The following BACE2 variants were observed in gnomAD, a reference collection of about 807,000 sequenced individuals.
The protein encoded by BACE2 is 56 kDa aspartic-like protease.
In BACE2, 17 loss-of-function variants were observed where a neutral mutation model predicts 46.2. That is an observed-to-expected ratio of 0.37 (90% CI 0.25 to 0.55). The LOEUF is 0.55. BACE2 is among the 20% of genes least tolerant of loss of function. The pLI, the probability that BACE2 is intolerant of heterozygous loss-of-function variation, is 0.82. For synonymous variants in BACE2, 277 were observed against 295.9 expected, an observed-to-expected ratio of 0.94 and a Z score of 0.66; for missense variants, 595 against 698.1, an observed-to-expected ratio of 0.85 and a Z score of 1.66.
intron 8 of BACE2, among the ~76,000 whole-genome samples, chr21:41,258,072 A>G (rs1420671827): frequency 6.6e-6 from 1 of 152,216 alleles, no homozygotes; most frequent in Non-Finnish European, 1.5e-5. Context: ...GCCGGAGACA[A>G]GTGGAGGAAG....
chr21:41,172,743 A>G lies in BACE2; in HGVS notation c.312+4168A>G, dbSNP rs111547996. Among the ~76,000 whole-genome samples, 789 of 152,042 alleles carry G rather than the reference A, an allele frequency of 5.2e-3. 14 individuals carry two copies. The highest frequency in any genetic ancestry group is 0.019 in the African/African-American group (768 of 41,464). ...ACCTGTGACCAGGAGCAAGTGTGTA[A>G]CCTCCCTCATCTTCCCTTTCCTCAG... On this transcript the variant is annotated intron_variant, in intron 1 of 8. Transcript: ENST00000330333.
chr21:41,216,793 G>A lies in BACE2; in HGVS notation c.313-9473G>A, dbSNP rs543635166. Among the ~76,000 whole-genome samples the A allele has an allele frequency of 7.4e-4, 112 of 152,312 alleles. 1 individual carries two copies. Among genetic ancestry groups the A allele is most frequent in the Admixed American group, 1.6e-3 (25 of 15,298 alleles). On this transcript the variant is annotated intron_variant, in intron 1 of 8. Transcript: ENST00000330333. Reference sequence around the variant, plus strand: ...GCGGACGTGCGTTGCCAGCCTGACCGGCCGGGTGTGGGATCTCCTGAGCTA... The same window carrying A: ...GCGGACGTGCGTTGCCAGCCTGACCAGCCGGGTGTGGGATCTCCTGAGCTA...
At position 41,193,178 on chromosome 21, in the gene BACE2, T is replaced by C. The variant is rs1451081254; in HGVS notation, c.312+24603T>C. Among the ~76,000 whole-genome samples, 1 of 150,042 alleles carries C rather than the reference T, an allele frequency of 6.7e-6. No homozygotes were observed. Among genetic ancestry groups the C allele is most frequent in the Non-Finnish European group, 1.5e-5 (1 of 67,516 alleles). ...AAGATTATGACATAAAGCCGGAGAG[T>C]TTACTGTCCTACCCCTGAGGTAGGA... On this transcript the variant is annotated intron_variant, in intron 1 of 8. Transcript: ENST00000330333. The surrounding 1 kb of genome is among the most constrained non-coding windows in gnomAD (Gnocchi z 4.2).
rs144286116 is a variant in BACE2, at chr21:41,256,451, T to C, written c.1135-707T>C. Among the ~76,000 whole-genome samples, 630 of 152,292 alleles carry C rather than the reference T, an allele frequency of 4.1e-3. 11 individuals carry two copies. The highest frequency in any genetic ancestry group is 0.013 in the African/African-American group (538 of 41,554). ...TTTTTTATGGCTGCATAGTATTCCA[T>C]GGTATATATGAAGGCACCCTTTTAA... On this transcript the variant is annotated intron_variant, in intron 7 of 8. Coordinates refer to ENST00000330333, the MANE Select transcript of BACE2 (RefSeq NM_012105.5).
At chr21:41,179,409 G>A in intron 1 of BACE2, 2 of 1,329,544 alleles carry the variant, frequency 1.5e-6, no homozygotes, top group Non-Finnish European at 2.0e-6. Flanking sequence ...GGGTGTCCAG[G>A]GTGAGTGAGG....
At chr21:41,259,068 T>C (rs1012406957) in intron 8 of BACE2, among the ~76,000 whole-genome samples, 2 of 152,252 alleles carry the variant, frequency 1.3e-5, no homozygotes, top group African/African-American at 4.8e-5. Flanking sequence ...GAGGCTACTA[T>C]GGCAACAGCT....
At chr21:41,272,326 T>C (rs562721944) in intron 8 of BACE2, among the ~76,000 whole-genome samples, 16 of 152,242 alleles carry the variant, frequency 1.1e-4, no homozygotes, top group African/African-American at 3.6e-4. Context: ...CCTTTGGGCT[T>C]CTTGGGTCTG....
Position 41,168,580 on chromosome 21 carries a change from G to T in BACE2, c.312+5G>T. 1 of 1,319,422 alleles carries T rather than the reference G, an allele frequency of 7.6e-7. No individual in the cohort carries two copies. Among genetic ancestry groups the T allele is most frequent in the East Asian group, 2.8e-5 (1 of 35,404 alleles). 81.7% of individuals were successfully genotyped at this position (1,319,422 alleles called of 1,614,324 possible). ...ATCGGGACCCCCCCGCAGAAGGTAG[G>T]GACCCCCGGCTGCTGCCGCGGGCTT... On this transcript the variant is annotated splice_donor_5th_base_variant and intron_variant, in intron 1 of 8. Transcript: ENST00000330333.
In BACE2 at chr21:41,276,479, A is replaced by G. The variant is rs1188582808; in HGVS notation, c.*855A>G. ...TTATCATCCCAACAGCCAAGACCCA[A>G]CAGGTGCTGAACTGTGCATCAACCA... On this transcript the variant is annotated 3_prime_UTR_variant, in exon 9 of 9. Transcript: ENST00000330333. The G allele has an allele frequency of 6.6e-6, 1 of 152,268 alleles. No homozygotes were observed. Among genetic ancestry groups the G allele is most frequent in the Non-Finnish European group, 1.5e-5 (1 of 68,072 alleles). 9.4% of individuals were successfully genotyped at this position (152,268 alleles called of 1,614,324 possible). A position where few individuals can be genotyped will look rare whatever the true frequency, so the allele number is the denominator to read the frequency against.
intron 2 of BACE2, among the ~76,000 whole-genome samples, chr21:41,235,812 G>T (rs1164344503): frequency 6.6e-6 from 1 of 152,220 alleles, no homozygotes; most frequent in Non-Finnish European, 1.5e-5. Flanking sequence ...TGGCACTCCA[G>T]CCTGGATGAC....
chr21:41,206,510 C>G (rs1182482181), intron 1 of BACE2, among the ~76,000 whole-genome samples: 1 of 152,166 alleles, frequency 6.6e-6, no homozygotes, highest in Admixed American at 6.5e-5. Flanking sequence ...ACCTTGAAGA[C>G]CTTATGCTAT....
chr21:41,251,213 T>G (rs1269410541), intron 7 of BACE2, among the ~76,000 whole-genome samples: 3 of 152,158 alleles, frequency 2.0e-5, no homozygotes, highest in Admixed American at 2.0e-4. Flanking sequence ...TGCGTTTCTC[T>G]CCATTCAGTG....
chr21:41,244,221 C>G (rs535687210), intron 5 of BACE2, among the ~76,000 whole-genome samples: 14 of 152,228 alleles, frequency 9.2e-5, no homozygotes, highest in African/African-American at 3.1e-4. Context: ...TTCGTATTAC[C>G]CATCACATCC....
At chr21:41,271,487 A>T (rs1199194223) in intron 8 of BACE2, among the ~76,000 whole-genome samples, 1 of 152,218 alleles carries the variant, frequency 6.6e-6, no homozygotes, top group African/African-American at 2.4e-5. Context: ...TATTTAATGT[A>T]TGATTGATAT....
intron 1 of BACE2, among the ~76,000 whole-genome samples, chr21:41,196,381 G>A (rs1360587091): frequency 1.3e-5 from 2 of 151,964 alleles, no homozygotes; most frequent in Non-Finnish European, 2.9e-5. Context: ...TTACACTGGG[G>A]AAAAATATGA....
intron 1 of BACE2, among the ~76,000 whole-genome samples, chr21:41,185,624 C>T (rs571742147): frequency 4.6e-5 from 7 of 152,280 alleles, no homozygotes; most frequent in African/African-American, 1.7e-4. Context: ...GGGGTATAAC[C>T]CACAATCCTA....
chr21:41,266,196 G>C (rs1007413571), intron 8 of BACE2, among the ~76,000 whole-genome samples: 2 of 151,928 alleles, frequency 1.3e-5, no homozygotes, highest in African/African-American at 4.8e-5. Flanking sequence ...TTTTGAGCCA[G>C]CTTGTTTAGT....
chr21:41,280,609 G>A lies in BACE2; in HGVS notation c.*4985G>A, dbSNP rs2088536882. ...CAGAAACCACGGCTTTCAGACGTGAGCAGGCTCCCTGGGCTCTTGGTGTCA... is the reference window on the plus strand; with the variant it reads ...CAGAAACCACGGCTTTCAGACGTGAACAGGCTCCCTGGGCTCTTGGTGTCA... On this transcript the variant is annotated 3_prime_UTR_variant, in exon 9 of 9. Coordinates refer to ENST00000330333, the MANE Select transcript of BACE2 (RefSeq NM_012105.5). The A allele has an allele frequency of 6.6e-6, 1 of 152,366 alleles. No individual in the cohort carries two copies. The highest frequency in any genetic ancestry group is 6.5e-5 in the Admixed American group (1 of 15,290). 9.4% of individuals were successfully genotyped at this position (152,366 alleles called of 1,614,324 possible).
intron 1 of BACE2, among the ~76,000 whole-genome samples, chr21:41,224,232 T>TTTTTTTTA (rs1986741834): frequency 2.1e-5 from 3 of 143,704 alleles, no homozygotes; most frequent in African/African-American, 2.8e-5. Context: ...TTTTTTTTTT[T>TTTTTTTTA]GAGATGGAGT....
Sources: gnomAD v4.1 joint callset for allele counts (sites outside exome capture counted in the v4.1 genomes callset) on GRCh38, gnomAD v4.1.1 for gene constraint, Gnocchi (gnomAD v3.1) non-coding constraint, MANE v1.5 for transcripts, NCBI Gene and HGNC (gene_info 2026-07-23, HGNC 2026-07-21) for gene names.